Variants in ATL1 observed in about 807,000 individuals in gnomAD.
The protein encoded by ATL1 is atlastin GTPase 1.
Under a neutral mutation model 75.5 loss-of-function variants are expected in ATL1, and 31 were observed. That is an observed-to-expected ratio of 0.41 (90% CI 0.31 to 0.55). The LOEUF is 0.55. Ranked by LOEUF, ATL1 falls within the 20% of genes least tolerant of loss-of-function variation. The pLI, the probability that ATL1 is intolerant of heterozygous loss-of-function variation, is 0.27. For synonymous variants in ATL1, 226 were observed against 233.3 expected, an observed-to-expected ratio of 0.97 and a Z score of 0.28; for missense variants, 405 against 662.6, an observed-to-expected ratio of 0.61 and a Z score of 4.27.
chr14:50,632,206 T>C, intron 13 of ATL1, 23 bp from the exon 14 acceptor site: 1 of 1,555,104 alleles, frequency 6.4e-7, no homozygotes, highest in African/African-American at 1.4e-5. Flanking sequence ...AAATGTTTTA[T>C]AATTTTGATG....
upstream of ATL1, chr14:50,559,695 C>CA (rs907552205): frequency 4.6e-5 from 7 of 153,322 alleles, no homozygotes; most frequent in African/African-American, 1.7e-4. Flanking sequence ...TATACATATA[C>CA]AAAAATGCAT....
intron 1 of ATL1, among the ~76,000 whole-genome samples, chr14:50,567,643 A>T (rs1047903080): frequency 1.8e-4 from 27 of 152,190 alleles, no homozygotes; most frequent in Non-Finnish European, 3.7e-4. Context: ...TCTGTTTTTT[A>T]AAAAATAGTT....
At chr14:50,557,344 G>T (rs1158878184), upstream of ATL1, among the ~76,000 whole-genome samples, 1 of 152,086 alleles carries the variant, frequency 6.6e-6, no homozygotes, top group Non-Finnish European at 1.5e-5. Context: ...TCTCCCGTAG[G>T]TGACCAATCT....
chr14:50,608,786 C>T (rs2039337521), intron 6 of ATL1, among the ~76,000 whole-genome samples: 1 of 151,942 alleles, frequency 6.6e-6, no homozygotes, highest in African/African-American at 2.4e-5. Context: ...AAAATTACTT[C>T]CCAGCTAACA....
chr14:50,574,004 G>A (rs897787043), intron 1 of ATL1, among the ~76,000 whole-genome samples: 4 of 152,142 alleles, frequency 2.6e-5, no homozygotes, highest in African/African-American at 9.7e-5. Flanking sequence ...CTGAGCTGGG[G>A]TAGCTGGGGA....
upstream of ATL1, among the ~76,000 whole-genome samples, chr14:50,555,757 C>T (rs2038758161): frequency 6.6e-6 from 1 of 152,196 alleles, no homozygotes; most frequent in African/African-American, 2.4e-5. Flanking sequence ...GAACTGACCA[C>T]CATAGAACCA....
chr14:50,552,124 T>C (rs1330041936), intron 1 of ATL1, among the ~76,000 whole-genome samples: 1 of 152,076 alleles, frequency 6.6e-6, no homozygotes, highest in Non-Finnish European at 1.5e-5. Context: ...TAAAGACTCA[T>C]CCAAAAATCT....
chr14:50,632,415 C>A lies in ATL1; in HGVS notation c.*76C>A. ...AGTTTTATGTCTCCATGCAAACATT[C>A]AAAGTGCTTCCATCAGAACGGAGTA... is the stretch of plus-strand genomic sequence containing the variant. On this transcript the variant is annotated 3_prime_UTR_variant, in exon 14 of 14. Transcript: ENST00000358385. 1 of 1,008,826 alleles carries A rather than the reference C, an allele frequency of 9.9e-7. No homozygotes were observed. The highest frequency in any genetic ancestry group is 1.5e-6 in the Non-Finnish European group (1 of 650,948). 62.5% of individuals were successfully genotyped at this position (1,008,826 alleles called of 1,614,324 possible). A position where few individuals can be genotyped will look rare whatever the true frequency, so the allele number is the denominator to read the frequency against.
At chr14:50,550,895 A>G (rs1239434783) in intron 1 of ATL1, among the ~76,000 whole-genome samples, 1 of 152,170 alleles carries the variant, frequency 6.6e-6, no homozygotes, top group East Asian at 1.9e-4. Context: ...TACAGAAAAA[A>G]TGGTGCTAAG....
Position 50,632,258 on chromosome 14 carries a change from AACCC to A in ATL1, c.1599_1602del (p.His534AspfsTer71). 6.2e-7 allele frequency: 1 copy of A among 1,613,188 alleles called. No individual in the cohort carries two copies. The highest frequency in any genetic ancestry group is 2.2e-5 in the East Asian group (1 of 44,764). On this transcript the variant is annotated frameshift_variant, in exon 14 of 14. Transcript: ENST00000358385. LOFTEE classifies it high-confidence loss of function. The stretch of plus-strand genomic sequence containing the variant: ...TGTACAAGCTTTACAGTGCAGCAGC[AACCC>A]ACAGACATCTGTATCATCAAGCTTT...
intron 1 of ATL1, among the ~76,000 whole-genome samples, chr14:50,563,278 C>A (rs1190262489): frequency 6.6e-6 from 1 of 152,118 alleles, no homozygotes; most frequent in African/African-American, 2.4e-5. Flanking sequence ...AGTAAAAGGA[C>A]TGAAATTAGA....
intron 1 of ATL1, among the ~76,000 whole-genome samples, chr14:50,553,684 A>C (rs2038731281): frequency 1.3e-5 from 2 of 152,214 alleles, no homozygotes; most frequent in African/African-American, 2.4e-5. Flanking sequence ...CACAATTACA[A>C]AGATATGGAA....
chr14:50,625,158 G>A (rs2039505496), intron 11 of ATL1, among the ~76,000 whole-genome samples: 1 of 151,932 alleles, frequency 6.6e-6, no homozygotes, highest in Admixed American at 6.6e-5. Flanking sequence ...CACAGAGAAA[G>A]CTTTAGTTTG....
upstream of ATL1, among the ~76,000 whole-genome samples, chr14:50,556,604 A>T (rs987164843): frequency 5.9e-5 from 9 of 151,786 alleles, no homozygotes; most frequent in Non-Finnish European, 7.4e-5. Context: ...CCCAAAAGAA[A>T]CCTCATACTC....
At chr14:50,553,808 G>C (rs934355248) in intron 1 of ATL1, among the ~76,000 whole-genome samples, 1 of 152,246 alleles carries the variant, frequency 6.6e-6, no homozygotes, top group South Asian at 2.1e-4. Flanking sequence ...GCAGCAACTT[G>C]GATGGAGTTG....
intron 1 of ATL1, among the ~76,000 whole-genome samples, chr14:50,578,877 A>G (rs1483693707): frequency 2.0e-5 from 3 of 152,192 alleles, no homozygotes; most frequent in Non-Finnish European, 4.4e-5. Flanking sequence ...GTTATTTGCC[A>G]AATTGCAGCC....
intron 1 of ATL1, among the ~76,000 whole-genome samples, chr14:50,544,147 A>T (rs1231910949): frequency 1.3e-5 from 2 of 152,214 alleles, no homozygotes; most frequent in African/African-American, 4.8e-5. Context: ...GGACAGTGGG[A>T]AACTGAAGCA....
At chr14:50,594,470 T>C (rs2039193546) in intron 5 of ATL1, among the ~76,000 whole-genome samples, 1 of 152,064 alleles carries the variant, frequency 6.6e-6, no homozygotes, top group Non-Finnish European at 1.5e-5. Context: ...AAGAGCCACA[T>C]TGCAAGTCAC....
chr14:50,559,312 A>G (rs1366985106), upstream of ATL1: 1 of 152,302 alleles, frequency 6.6e-6, no homozygotes, highest in Non-Finnish European at 1.5e-5. Flanking sequence ...AAGGGACGGC[A>G]TGATGGTATC....
Sources: gnomAD v4.1 joint callset for allele counts (sites outside exome capture counted in the v4.1 genomes callset) on GRCh38, gnomAD v4.1.1 for gene constraint, MANE v1.5 for transcripts, NCBI Gene and HGNC (gene_info 2026-07-23, HGNC 2026-07-21) for gene names.